DNAAF9: variants seen among roughly 807,000 people sequenced by gnomAD.
The protein encoded by DNAAF9 is dynein axonemal assembly factor 9.
DNAAF9 carries 90 observed loss-of-function variants against 167.0 expected under a neutral mutation model. The ratio of observed to expected loss-of-function variants is 0.54; its 90% CI spans 0.45 to 0.64. DNAAF9 has a LOEUF of 0.64. DNAAF9 is among the 30% of genes least tolerant of loss of function. DNAAF9 has a pLI of 0.00. For synonymous variants in DNAAF9, 491 were observed against 508.8 expected (o/e 0.96, Z 0.47); for missense variants, 1,315 against 1,442.2 (o/e 0.91, Z 1.43).
intron 31 of DNAAF9, among the ~76,000 whole-genome samples, chr20:3,264,081 C>T (rs1334575314): frequency 2.6e-5 from 4 of 152,208 alleles, no homozygotes; most frequent in Admixed American, 2.0e-4. Flanking sequence ...GACTGACTGA[C>T]GGTATTGTCA....
chr20:3,356,361 A>G (rs1254093560), intron 7 of DNAAF9, among the ~76,000 whole-genome samples: 1 of 152,186 alleles, frequency 6.6e-6, no homozygotes, highest in East Asian at 1.9e-4. Flanking sequence ...CTGAACTTTT[A>G]AATAGCTCTG....
At chr20:3,384,456 A>G (rs753878555) in intron 1 of DNAAF9, 1 of 152,160 alleles carries the variant, frequency 6.6e-6, no homozygotes, top group Non-Finnish European at 1.5e-5. Flanking sequence ...TTTAATCATC[A>G]GTCAAAAACA....
At chr20:3,312,381 T>C (rs562845194) in intron 20 of DNAAF9, among the ~76,000 whole-genome samples, 89 of 152,058 alleles carry the variant, frequency 5.9e-4, no homozygotes, top group Non-Finnish European at 1.2e-3. Flanking sequence ...CTCTAGATGC[T>C]GCCATTAACT....
intron 20 of DNAAF9, among the ~76,000 whole-genome samples, chr20:3,310,247 CAGAGAG>C (rs749194119): frequency 1.3e-4 from 15 of 118,014 alleles, no homozygotes; most frequent in Middle Eastern, 4.3e-3. Context: ...GAGAGAGAAA[CAGAGAG>C]AGAGAGAGAG....
intron 10 of DNAAF9, among the ~76,000 whole-genome samples, chr20:3,334,385 A>G (rs1166072229): frequency 6.6e-6 from 1 of 152,224 alleles, no homozygotes; most frequent in Non-Finnish European, 1.5e-5. Context: ...CTCAGTACAG[A>G]CATCAGAATC....
chr20:3,259,803 T>C, intron 32 of DNAAF9, 119 bp downstream of exon 32: 3 of 702,842 alleles, frequency 4.3e-6, no homozygotes, highest in African/African-American at 1.8e-5. Context: ...TCTGTCTACT[T>C]TTGGTTTCAA....
At chr20:3,360,467 G>T (rs1290206451) in intron 6 of DNAAF9, among the ~76,000 whole-genome samples, 1 of 152,108 alleles carries the variant, frequency 6.6e-6, no homozygotes, top group Non-Finnish European at 1.5e-5. Flanking sequence ...ATCATAATAT[G>T]ACTTTTTTAG....
chr20:3,278,412 A>G (rs182537926), intron 29 of DNAAF9, among the ~76,000 whole-genome samples: 32 of 152,274 alleles, frequency 2.1e-4, no homozygotes, highest in African/African-American at 7.7e-4. Context: ...TTACTGTGGC[A>G]ATTTGTTGCC....
chr20:3,367,987 T>C (rs772230309), intron 6 of DNAAF9, among the ~76,000 whole-genome samples: 4 of 151,802 alleles, frequency 2.6e-5, no homozygotes, highest in Non-Finnish European at 5.9e-5. Context: ...CCTGTATGTG[T>C]TTTGCCAGTC....
chr20:3,397,451 T>C (rs939504077), intron 1 of DNAAF9, among the ~76,000 whole-genome samples: 2 of 152,056 alleles, frequency 1.3e-5, no homozygotes, highest in Non-Finnish European at 2.9e-5. Flanking sequence ...CCCGAGTAGC[T>C]GGGATTACAC....
intron 10 of DNAAF9, among the ~76,000 whole-genome samples, chr20:3,337,614 T>C (rs1171180422): frequency 2.6e-5 from 4 of 152,136 alleles, no homozygotes; most frequent in Non-Finnish European, 5.9e-5. Context: ...TCTTTTCTCA[T>C]TGAGTTTGAG....
chr20:3,292,261 A>C (rs2068970071), intron 25 of DNAAF9, among the ~76,000 whole-genome samples: 1 of 152,152 alleles, frequency 6.6e-6, no homozygotes, highest in East Asian at 1.9e-4. Flanking sequence ...CGACCTCCCA[A>C]AGTGCTGGGA....
At chr20:3,322,557 G>C in intron 15 of DNAAF9, 95 bp downstream of exon 15, 1 of 969,554 alleles carries the variant, frequency 1.0e-6, no homozygotes, top group South Asian at 1.3e-5. Flanking sequence ...GCTAGGTGTG[G>C]AAGCATGAGA....
At chr20:3,392,294 G>A (rs546623504) in intron 1 of DNAAF9, among the ~76,000 whole-genome samples, 2 of 152,278 alleles carry the variant, frequency 1.3e-5, no homozygotes, top group South Asian at 2.1e-4. Flanking sequence ...TTTAGAAGAC[G>A]CATAGACTCA....
intron 27 of DNAAF9, among the ~76,000 whole-genome samples, chr20:3,282,619 C>G (rs1249383415): frequency 6.6e-6 from 1 of 152,316 alleles, no homozygotes; most frequent in Non-Finnish European, 1.5e-5. Flanking sequence ...CTTACAATGT[C>G]CCAGGCAGCC....
intron 9 of DNAAF9, among the ~76,000 whole-genome samples, chr20:3,343,172 T>TTTG (rs1468760380): frequency 2.0e-5 from 3 of 152,220 alleles, no homozygotes; most frequent in Non-Finnish European, 4.4e-5. Flanking sequence ...GATTTATTTA[T>TTTG]TTATTTAGAA....
chr20:3,299,100 G>A (rs2069137697), intron 21 of DNAAF9, among the ~76,000 whole-genome samples: 7 of 151,582 alleles, frequency 4.6e-5, no homozygotes. Flanking sequence ...GTAGAGACGG[G>A]GTTTCACTAT....
chr20:3,292,733 C>T (rs892073148), intron 25 of DNAAF9, among the ~76,000 whole-genome samples: 3 of 147,032 alleles, frequency 2.0e-5, no homozygotes, highest in African/African-American at 7.6e-5. Context: ...GCCCCTGCAC[C>T]CTAGCCTGGG....
chr20:3,343,162 G>GATTT (rs968097585), intron 9 of DNAAF9, among the ~76,000 whole-genome samples: 2 of 152,148 alleles, frequency 1.3e-5, no homozygotes, highest in Non-Finnish European at 2.9e-5. Flanking sequence ...AGACAACAGT[G>GATTT]ATTTATTTAT....
Sources: gnomAD v4.1 joint callset for allele counts (sites outside exome capture counted in the v4.1 genomes callset) on GRCh38, gnomAD v4.1.1 for gene constraint, MANE v1.5 for transcripts, NCBI Gene and HGNC (gene_info 2026-07-23, HGNC 2026-07-21) for gene names.